The following TMEM272 variants were observed in gnomAD, a reference collection of about 807,000 sequenced individuals.
TMEM272 encodes the protein long intergenic non-protein coding RNA 282.
A neutral mutation model predicts 3.7 loss-of-function variants in TMEM272; 8 were observed. That is an observed-to-expected ratio of 2.17 (90% CI 1.27 to 3.91). The LOEUF is 3.91. TMEM272 is among the 30% of genes most tolerant of loss of function. The probability of loss-of-function intolerance (pLI) is 0.00; values close to 1 mark genes in which losing one functional copy is unlikely to be tolerated. For synonymous variants in TMEM272, 63 were observed against 39.8 expected (o/e 1.58, Z -2.20); for missense variants, 166 against 91.5 (o/e 1.81, Z -3.32).
At chr13:51,881,241 C>T in the TMEM272 span, among the ~76,000 whole-genome samples, 84 of 152,116 alleles carry the variant, frequency 5.5e-4, no homozygotes, top group African/African-American at 1.8e-3. Context: ...AATCTCTTCT[C>T]TGGGGCTGTA....
chr13:51,830,844 G>A (rs932728831), intron 2 of TMEM272, among the ~76,000 whole-genome samples: 10 of 152,174 alleles, frequency 6.6e-5, no homozygotes, highest in African/African-American at 2.2e-4. Flanking sequence ...TTCATCCAGT[G>A]AGTCCGCTTC....
At chr13:51,889,805 C>G in the TMEM272 span, among the ~76,000 whole-genome samples, 1 of 152,124 alleles carries the variant, frequency 6.6e-6, no homozygotes, top group Non-Finnish European at 1.5e-5. Context: ...CCACGCCCGA[C>G]TAATTTTGTA....
chr13:51,816,512 C>A lies in TMEM272; in HGVS notation c.*239G>T. 2.3e-6 allele frequency: 1 copy of A among 429,692 alleles called. No individual in the cohort carries two copies. Among genetic ancestry groups the A allele is most frequent in the Non-Finnish European group, 4.2e-6 (1 of 239,392 alleles). The allele number at this position is 429,692 out of a possible 1,614,324, so 26.6% of individuals were successfully genotyped here. ...AAAACTCTTGTGAGAACAAAATTCCCACTCTGAAAAGAGCAGAAGTGATTT... is the reference window on the plus strand; with the variant it reads ...AAAACTCTTGTGAGAACAAAATTCCAACTCTGAAAAGAGCAGAAGTGATTT... On this transcript the variant is annotated 3_prime_UTR_variant, in exon 5 of 5. Transcript: ENST00000629372.
chr13:51,874,642 C>T, the TMEM272 span, among the ~76,000 whole-genome samples: 1 of 152,196 alleles, frequency 6.6e-6, no homozygotes, highest in Non-Finnish European at 1.5e-5. Context: ...CCCCCTTGAT[C>T]CATGGAGGAT....
At chr13:51,825,351 G>A (rs1403790731) in intron 3 of TMEM272, among the ~76,000 whole-genome samples, 1 of 152,176 alleles carries the variant, frequency 6.6e-6, no homozygotes, top group Non-Finnish European at 1.5e-5. Flanking sequence ...TTTAGCAGGG[G>A]TGGCAGGGTG....
At chr13:51,833,932 G>C (rs1469467855) in intron 2 of TMEM272, among the ~76,000 whole-genome samples, 2 of 152,152 alleles carry the variant, frequency 1.3e-5, no homozygotes, top group African/African-American at 4.8e-5. Context: ...CCAAAGAGGA[G>C]GAGCAATGAA....
chr13:51,877,329 A>G, the TMEM272 span, among the ~76,000 whole-genome samples: 1 of 152,178 alleles, frequency 6.6e-6, no homozygotes, highest in African/African-American at 2.4e-5. Flanking sequence ...ATTACACTAG[A>G]AGACAGGGCA....
the TMEM272 span, among the ~76,000 whole-genome samples, chr13:51,877,744 C>G: frequency 1.3e-5 from 2 of 152,166 alleles, no homozygotes; most frequent in Admixed American, 1.3e-4. Context: ...ATTCTTTTCC[C>G]ACTCTTGTTG....
At chr13:51,873,248 T>C in the TMEM272 span, among the ~76,000 whole-genome samples, 1 of 152,252 alleles carries the variant, frequency 6.6e-6, no homozygotes, top group Admixed American at 6.5e-5. Flanking sequence ...TACATATTAA[T>C]GTCAAACAAA....
At chr13:51,870,314 A>C in the TMEM272 span, among the ~76,000 whole-genome samples, 2 of 152,236 alleles carry the variant, frequency 1.3e-5, no homozygotes, top group African/African-American at 4.8e-5. Flanking sequence ...GGATAAATTA[A>C]AAATACACAT....
At chr13:51,883,400 G>C in the TMEM272 span, among the ~76,000 whole-genome samples, 1 of 152,214 alleles carries the variant, frequency 6.6e-6, no homozygotes, top group Non-Finnish European at 1.5e-5. Context: ...AGACAGAGAA[G>C]AATTTTCTTG....
chr13:51,872,398 GAA>G, the TMEM272 span, among the ~76,000 whole-genome samples: 1 of 152,044 alleles, frequency 6.6e-6, no homozygotes, highest in East Asian at 1.9e-4. Context: ...GGAAGTTTAA[GAA>G]GAGAGAGAGA....
upstream of TMEM272, among the ~76,000 whole-genome samples, chr13:51,847,226 C>T (rs1156975819): frequency 6.6e-6 from 1 of 152,152 alleles, no homozygotes; most frequent in African/African-American, 2.4e-5. Flanking sequence ...GGTCCCTAGC[C>T]TTTTAGGAAC....
chr13:51,910,682 C>T, the TMEM272 span: 108 of 433,468 alleles, frequency 2.5e-4, no homozygotes, highest in African/African-American at 1.8e-3. Flanking sequence ...CCACAATAAG[C>T]GGCAGAGAAT....
At chr13:51,924,068 A>G in the TMEM272 span, among the ~76,000 whole-genome samples, 1 of 152,112 alleles carries the variant, frequency 6.6e-6, no homozygotes, top group Non-Finnish European at 1.5e-5. Context: ...CTCCTGATCA[A>G]TTTTGAAAAC....
chr13:51,901,082 T>C, the TMEM272 span, among the ~76,000 whole-genome samples: 1 of 152,234 alleles, frequency 6.6e-6, no homozygotes, highest in African/African-American at 2.4e-5. Context: ...CACTGAATTA[T>C]AAACTTTAGA....
chr13:51,893,960 A>G, the TMEM272 span, among the ~76,000 whole-genome samples: 148,486 of 152,320 alleles, frequency 0.97, 72,392 homozygotes, highest in East Asian at 1. Context: ...CAGTAGTGCT[A>G]TATGCAGAGC....
chr13:51,874,221 C>T, the TMEM272 span, among the ~76,000 whole-genome samples: 2 of 152,218 alleles, frequency 1.3e-5, no homozygotes, highest in Non-Finnish European at 2.9e-5. Flanking sequence ...CTATTTTCTG[C>T]ATAATGTTCT....
Position 51,813,440 on chromosome 13 carries a change from C to T in TMEM272, c.*3311G>A. On this transcript the variant is annotated 3_prime_UTR_variant, in exon 5 of 5. Coordinates refer to ENST00000629372, the MANE Select transcript of TMEM272 (RefSeq NM_001351003.2). Reference sequence around the variant, plus strand: ...GTTACACAAAGATGAAAGCTATTGACCACTTGGCCACTTCTCATACTAAAA... The same window carrying T: ...GTTACACAAAGATGAAAGCTATTGATCACTTGGCCACTTCTCATACTAAAA... The T allele has an allele frequency of 5.1e-6, 2 of 394,220 alleles. No homozygotes were observed. Among genetic ancestry groups the T allele is most frequent in the Non-Finnish European group, 8.9e-6 (2 of 223,852 alleles). 24.4% of individuals were successfully genotyped at this position (394,220 alleles called of 1,614,324 possible). A position where few individuals can be genotyped will look rare whatever the true frequency, so the allele number is the denominator to read the frequency against.
Sources: allele counts gnomAD v4.1 joint callset (sites outside exome capture counted in the v4.1 genomes callset), GRCh38; gene constraint gnomAD v4.1.1; transcripts MANE v1.5; gene names NCBI Gene and HGNC (gene_info 2026-07-23, HGNC 2026-07-21).